Variants in XAB2 observed in about 807,000 individuals in gnomAD.
XAB2 encodes pre-mRNA-splicing factor SYF1.
In XAB2, 57 loss-of-function variants were observed where a neutral mutation model predicts 113.4. The observed-to-expected ratio is 0.50, with a 90% CI of 0.41 to 0.63. The LOEUF (loss-of-function observed/expected upper bound fraction) is 0.63. Ranked by LOEUF, XAB2 falls within the 20% of genes least tolerant of loss-of-function variation. The pLI is 0.00. For synonymous variants in XAB2, 497 were observed against 498.8 expected, an observed-to-expected ratio of 1.00 and a Z score of 0.05; for missense variants, 1,037 against 1,233.3, an observed-to-expected ratio of 0.84 and a Z score of 2.38.
At position 7,620,365 on chromosome 19, in the gene XAB2, T is replaced by A. The variant is rs533669424; in HGVS notation, c.2176A>T (p.Ile726Phe). ...NEDTIKEMLR[I>F]RRSVQATYNT... ...TACGTGGCCTGCACGCTGCGCCGGA[T>A]ACGCAGCATTTCCTTGATGGTGTCC... The change falls in exon 16 of 19, where the codon ATC becomes TTC. Residue 726 changes from isoleucine to phenylalanine, a missense_variant. Physicochemically the swap from Ile to Phe is conservative, Grantham distance 21. Coordinates refer to ENST00000358368, the MANE Select transcript of XAB2 (RefSeq NM_020196.3). The A allele has an allele frequency of 6.2e-7, 1 of 1,613,362 alleles. No individual in the cohort carries two copies. Among genetic ancestry groups the A allele is most frequent in the African/African-American group, 1.3e-5 (1 of 75,050 alleles).
Position 7,624,366 on chromosome 19 carries a change from T to C in XAB2, c.902A>G (p.Gln301Arg). The C allele has an allele frequency of 6.2e-7, 1 of 1,614,158 alleles. No individual in the cohort carries two copies. The highest frequency in any genetic ancestry group is 2.2e-5 in the East Asian group (1 of 44,882). ...DFTQVFDSYAQFEESMIAAKM... is the reference protein window; with the variant it reads ...DFTQVFDSYARFEESMIAAKM... ...TGCAGCGATCATGCTCTCCTCGAACTGGGCGTAGCTGTCAAACACCTGTGT... is the reference window on the plus strand; with the variant it reads ...TGCAGCGATCATGCTCTCCTCGAACCGGGCGTAGCTGTCAAACACCTGTGT... The change falls in exon 7 of 19, where the codon CAG becomes CGG. Residue 301 changes from glutamine (Q) to arginine (R), a missense_variant. Physicochemically the swap from Gln to Arg is conservative, Grantham distance 43. Coordinates refer to ENST00000358368, the MANE Select transcript of XAB2 (RefSeq NM_020196.3). The surrounding 1 kb of genome is among the most constrained non-coding windows in gnomAD (Gnocchi z 4.2).
intron 14 of XAB2, 38 bp downstream of exon 14, chr19:7,620,808 G>A: frequency 1.3e-6 from 2 of 1,564,584 alleles, no homozygotes; most frequent in South Asian, 1.2e-5. Context: ...GTCTGCTCAG[G>A]GACCTCTGGC....
chr19:7,623,713 G>A lies in XAB2; in HGVS notation c.1119+18C>T, dbSNP rs2146186614. On this transcript the variant is annotated intron_variant, in intron 8 of 18. Transcript: ENST00000358368. The surrounding 1 kb of genome is among the most constrained non-coding windows in gnomAD (Gnocchi z 4.6). ...GAAACTGGCCCTCAGGGGTAGGACT[G>A]GGGCAGGCTTCATGTACCTCCCGGG... 6.3e-7 allele frequency: 1 copy of A among 1,578,760 alleles called. No individual in the cohort carries two copies. The highest frequency in any genetic ancestry group is 8.6e-7 in the Non-Finnish European group (1 of 1,165,020).
chr19:7,623,428 T>C lies in XAB2; in HGVS notation c.1120-139A>G. The C allele has an allele frequency of 2.5e-6, 3 of 1,206,596 alleles. No individual in the cohort carries two copies. Among genetic ancestry groups the C allele is most frequent in the Non-Finnish European group, 3.5e-6 (3 of 865,232 alleles). 74.7% of individuals were successfully genotyped at this position (1,206,596 alleles called of 1,614,324 possible). A position where few individuals can be genotyped will look rare whatever the true frequency, so the allele number is the denominator to read the frequency against. On this transcript the variant is annotated intron_variant, in intron 8 of 18. Coordinates refer to ENST00000358368, the MANE Select transcript of XAB2 (RefSeq NM_020196.3). This position sits in a 1 kb window ranked among gnomAD's most constrained non-coding sequence, Gnocchi z 4.6. ...AGAGGCCAGAAACGAACTATGGCCCTTGACAATGGTCAGGACCAAGAGAGA... is the reference window on the plus strand; with the variant it reads ...AGAGGCCAGAAACGAACTATGGCCCCTGACAATGGTCAGGACCAAGAGAGA...
Position 7,621,999 on chromosome 19 carries a change from G to A in XAB2, c.1617+332C>T, listed in dbSNP as rs192022838. 106 of 251,142 alleles carry A rather than the reference G, an allele frequency of 4.2e-4. No individual in the cohort carries two copies. In the East Asian group the frequency reaches 5.9e-3, roughly 14 times the overall value. The allele number at this position is 251,142 out of a possible 1,614,324, so 15.6% of individuals were successfully genotyped here. Reference sequence around the variant, plus strand: ...GAGATCACTAAGTTAAACTGAGGTCGTTAGGGGCCACCTAATCCATTATGA... The same window carrying A: ...GAGATCACTAAGTTAAACTGAGGTCATTAGGGGCCACCTAATCCATTATGA... On this transcript the variant is annotated intron_variant, in intron 12 of 18. Transcript: ENST00000358368.
chr19:7,620,836 C>A lies in XAB2; in HGVS notation c.1971+10G>T, dbSNP rs570569315. ...CCTCTGGCCCCGGCCCAGCCCCCCA[C>A]GGTGGGTACCTCAATGGCCTTCTGG... On this transcript the variant is annotated intron_variant, in intron 14 of 18. Transcript: ENST00000358368. 3 of 1,572,084 alleles carry A rather than the reference C, an allele frequency of 1.9e-6. No individual in the cohort carries two copies. The highest frequency in any genetic ancestry group is 2.6e-6 in the Non-Finnish European group (3 of 1,156,750).
rs775631192 is a variant in XAB2, at chr19:7,628,307, G to A, written c.52-9C>T. The A allele has an allele frequency of 3.7e-6, 6 of 1,613,732 alleles. No individual in the cohort carries two copies. Among genetic ancestry groups the A allele is most frequent in the Non-Finnish European group, 5.1e-6 (6 of 1,179,994 alleles). Reference sequence around the variant, plus strand: ...GGGAGGTCCTCTTCCTCCTGCCAGGGCCAGGGAATGGGAAGAAGAGAGGCC... The same window carrying A: ...GGGAGGTCCTCTTCCTCCTGCCAGGACCAGGGAATGGGAAGAAGAGAGGCC... On this transcript the variant is annotated splice_polypyrimidine_tract_variant and intron_variant, in intron 1 of 18. Transcript: ENST00000358368. The surrounding 1 kb of genome is among the most constrained non-coding windows in gnomAD (Gnocchi z 4.6).
Position 7,623,226 on chromosome 19 carries a change from G to A in XAB2, c.1183C>T (p.His395Tyr), listed in dbSNP as rs1172225295. 15 of 1,613,888 alleles carry A rather than the reference G, an allele frequency of 9.3e-6. No homozygotes were observed. The highest frequency in any genetic ancestry group is 1.2e-5 in the Non-Finnish European group (14 of 1,180,036). Reference sequence around the variant, plus strand: ...TTGGCAAACGCCACCCACAGAGTGTGGGGCTTGCCTGTGGCCTTGAAGGGG... The same window carrying A: ...TTGGCAAACGCCACCCACAGAGTGTAGGGCTTGCCTGTGGCCTTGAAGGGG... ...VDPFKATGKP[H>Y]TLWVAFAKFY... is the part of the protein sequence containing the mutation. The change falls in exon 9 of 19, where the codon CAC (histidine) becomes TAC (tyrosine). Residue 395 changes from histidine (H) to tyrosine (Y), a missense_variant. His to Tyr is a moderately conservative substitution (Grantham distance 83, BLOSUM62 2). Transcript: ENST00000358368. This position sits in a 1 kb window ranked among gnomAD's most constrained non-coding sequence, Gnocchi z 4.6.
In XAB2 at chr19:7,619,781, G is replaced by A. The variant is rs199866447; in HGVS notation, c.2472C>T (p.Asp824=). The A allele has an allele frequency of 2.4e-5, 39 of 1,613,586 alleles. No individual in the cohort carries two copies. Among genetic ancestry groups the A allele is most frequent in the African/African-American group, 8.0e-5 (6 of 74,916 alleles). Residue 824 remains aspartate, a synonymous_variant, in exon 18 of 19, where the codon GAC becomes GAT. Coordinates refer to ENST00000358368, the MANE Select transcript of XAB2 (RefSeq NM_020196.3). ...CCAGGTCCATCTCGTCCTCGTCCTC[G>A]TCCTCGCCCAGCTGGATCTCCTCGG... The part of the protein sequence containing the change: ...VNPEEIQLGE[D]EDEDEMDLEP...
chr19:7,622,950 A>C, intron 9 of XAB2, 57 bp from the exon 10 acceptor site: 1 of 1,594,344 alleles, frequency 6.3e-7, no homozygotes, highest in South Asian at 1.1e-5. Flanking sequence ...AGCTCCCACC[A>C]TCAAGGGTCA....
Position 7,627,983 on chromosome 19 carries a change from G to T in XAB2, c.201-132C>A. ...GGTGACATGTCTCAGCAATGACAGG[G>T]ACAGACTGGGACATCAGAGAAGGTG... On this transcript the variant is annotated intron_variant, in intron 2 of 18. Coordinates refer to ENST00000358368, the MANE Select transcript of XAB2 (RefSeq NM_020196.3). The surrounding 1 kb of genome is among the most constrained non-coding windows in gnomAD (Gnocchi z 4.5). 3 of 1,480,012 alleles carry T rather than the reference G, an allele frequency of 2.0e-6. No individual in the cohort carries two copies. The highest frequency in any genetic ancestry group is 2.7e-6 in the Non-Finnish European group (3 of 1,095,246). 91.7% of individuals were successfully genotyped at this position (1,480,012 alleles called of 1,614,324 possible).
Position 7,628,123 on chromosome 19 carries a change from G to A in XAB2, c.200+27C>T. On this transcript the variant is annotated intron_variant, in intron 2 of 18. Coordinates refer to ENST00000358368, the MANE Select transcript of XAB2 (RefSeq NM_020196.3). The surrounding 1 kb of genome is among the most constrained non-coding windows in gnomAD (Gnocchi z 4.6). ...TGGACCAGGTGGGGTGGGGGCTGGT[G>A]GGCAGGGCAGCTGGAGCCATTCCCA... 1.2e-6 allele frequency: 2 copies of A among 1,601,884 alleles called. No homozygotes were observed. The highest frequency in any genetic ancestry group is 1.1e-5 in the South Asian group (1 of 89,956).
Position 7,622,655 on chromosome 19 carries a change from T to C in XAB2, c.1378A>G (p.Thr460Ala), listed in dbSNP as rs202185001. 1.9e-6 allele frequency: 3 copies of C among 1,611,704 alleles called. No homozygotes were observed. The highest frequency in any genetic ancestry group is 3.3e-5 in the Admixed American group (2 of 60,024). Residue 460 changes from threonine to alanine, a missense_variant, in exon 11 of 19, where the codon ACG becomes GCG. By Grantham distance (58) the Thr-to-Ala change is moderately conservative. Transcript: ENST00000358368. ...DEALRLLRKA[T>A]ALPARRAEYF... ...TCGGCCCGGCGGGCAGGCAGCGCCG[T>C]GGCCTTCTGCAGGGGCAGACAGTGG...
chr19:7,623,125 C>T lies in XAB2; in HGVS notation c.1239+45G>A, dbSNP rs2031070946. The T allele has an allele frequency of 1.9e-6, 3 of 1,606,280 alleles. No homozygotes were observed. The highest frequency in any genetic ancestry group is 1.7e-5 in the Admixed American group (1 of 59,890). ...ACATACATGCACACATATACAAGCA[C>T]ACACACATGCATGAACACACAGGCA... On this transcript the variant is annotated intron_variant, in intron 9 of 18. Transcript: ENST00000358368. This position sits in a 1 kb window ranked among gnomAD's most constrained non-coding sequence, Gnocchi z 4.6.
rs2303117 is a variant in XAB2 at position 7,622,650 on chromosome 19, C to T, written c.1383G>A (p.Ala461=). 2.7e-4 allele frequency: 441 copies of T among 1,611,382 alleles called. 3 individuals carry two copies. The East Asian group carries it at 7.0e-3, about 25-fold the overall frequency. ...EALRLLRKAT[A]LPARRAEYFD... ...AGTACTCGGCCCGGCGGGCAGGCAG[C>T]GCCGTGGCCTTCTGCAGGGGCAGAC... The change falls in exon 11 of 19, where the codon GCG becomes GCA. Residue 461 remains alanine, a synonymous_variant. Coordinates refer to ENST00000358368, the MANE Select transcript of XAB2 (RefSeq NM_020196.3).
At chr19:7,622,732 C>T (rs369848501) in intron 10 of XAB2, 30 bp downstream of exon 10, 241 of 1,613,292 alleles carry the variant, frequency 1.5e-4, no homozygotes, top group Non-Finnish European at 1.9e-4. Flanking sequence ...AACCTGCAGC[C>T]CCCACCCCAC....
Position 7,626,243 on chromosome 19 carries a change from T to C in XAB2, c.550A>G (p.Ile184Val), listed in dbSNP as rs1328998741. 2 of 1,612,868 alleles carry C rather than the reference T, an allele frequency of 1.2e-6. No individual in the cohort carries two copies. Among genetic ancestry groups the C allele is most frequent in the Non-Finnish European group, 1.7e-6 (2 of 1,180,014 alleles). The change falls in exon 5 of 19, where the codon ATT (isoleucine) becomes GTT (valine). Residue 184 changes from isoleucine (I) to valine (V), a missense_variant. By Grantham distance (29) the Ile-to-Val change is conservative. Coordinates refer to ENST00000358368, the MANE Select transcript of XAB2 (RefSeq NM_020196.3). ...CGGTCACTTGACTTGAGGTACTCAA[T>C]GTACTCCTCTGCACTCTCAGGACTC... ...KLSPESAEEY[I>V]EYLKSSDRLD...
intron 16 of XAB2, 68 bp from the exon 17 acceptor site, chr19:7,620,143 C>A: frequency 6.3e-7 from 1 of 1,594,776 alleles, no homozygotes; most frequent in South Asian, 1.1e-5. Flanking sequence ...TGCACTATCC[C>A]AGTCCCCCAG....
In XAB2 at chr19:7,621,137, T is replaced by G. The variant is rs2031024523; in HGVS notation, c.1778A>C (p.Lys593Thr). The part of the protein sequence containing the change: ...ALDGCPPKYA[K>T]TLYLLYAQLE... ...CCCATGCCCTCTGCCCGCCTCACTC[T>G]TGGCATATTTTGGGGGGCAGCCGTC... Residue 593 changes from lysine to threonine, a missense_variant and splice_region_variant, in exon 13 of 19, where the codon AAG becomes ACG. Lys to Thr is a moderately conservative substitution (Grantham distance 78, BLOSUM62 -1). Coordinates refer to ENST00000358368, the MANE Select transcript of XAB2 (RefSeq NM_020196.3). 6.8e-7 allele frequency: 1 copy of G among 1,479,480 alleles called. No homozygotes were observed. 91.6% of individuals were successfully genotyped at this position (1,479,480 alleles called of 1,614,324 possible). A position where few individuals can be genotyped will look rare whatever the true frequency, so the allele number is the denominator to read the frequency against.
Sources: allele counts gnomAD v4.1 joint callset, GRCh38; gene constraint gnomAD v4.1.1; non-coding constraint Gnocchi (gnomAD v3.1); transcripts MANE v1.5; gene names NCBI Gene and HGNC (gene_info 2026-07-23, HGNC 2026-07-21).